SGK1: variants seen among roughly 807,000 people sequenced by gnomAD.
SGK1 encodes the protein serine/threonine-protein kinase Sgk1.
Under a neutral mutation model 64.2 loss-of-function variants are expected in SGK1, and 26 were observed. That is an observed-to-expected ratio of 0.40 (90% CI 0.30 to 0.56). SGK1 has a LOEUF of 0.56. Ranked by LOEUF, SGK1 falls within the 20% of genes least tolerant of loss-of-function variation. The probability of loss-of-function intolerance (pLI) is 0.38; values close to 1 mark genes in which losing one functional copy is unlikely to be tolerated. For synonymous variants in SGK1, 265 were observed against 239.7 expected (o/e 1.11, Z -0.98); for missense variants, 519 against 645.6 (o/e 0.80, Z 2.12).
intron 3 of SGK1, among the ~76,000 whole-genome samples, chr6:134,187,913 C>G (rs1041400591): frequency 6.6e-6 from 1 of 152,204 alleles, no homozygotes; most frequent in Non-Finnish European, 1.5e-5. Flanking sequence ...TGGCAGATCA[C>G]CCCGAGGAAA....
chr6:134,271,549 C>T (rs906306688), intron 1 of SGK1, among the ~76,000 whole-genome samples: 1 of 147,602 alleles, frequency 6.8e-6, no homozygotes, highest in Admixed American at 6.9e-5. Context: ...TCAAAATCCA[C>T]TGAGCTTTGG....
chr6:134,314,156 TG>T (rs1777644292), intron 1 of SGK1, among the ~76,000 whole-genome samples: 1 of 151,942 alleles, frequency 6.6e-6, no homozygotes, highest in Admixed American at 6.6e-5. Context: ...AATATGAGGA[TG>T]AGAAGCATAA....
In SGK1 at chr6:134,228,615, T is replaced by G. The variant is rs1267295279; in HGVS notation, c.286-21184A>C. On this transcript the variant is annotated intron_variant, in intron 2 of 13. Transcript: ENST00000367858. ...CATAACAGTATAGGAATATTGGCCA[T>G]AGTAGTCGATCAGTGGAGACTTGTT... Among the ~76,000 whole-genome samples, 3 of 152,176 alleles carry G rather than the reference T, an allele frequency of 2.0e-5. No homozygotes were observed. The East Asian group carries it at 5.8e-4, about 29-fold the overall frequency.
chr6:134,211,845 G>T (rs1173466507), intron 2 of SGK1, among the ~76,000 whole-genome samples: 1 of 134,822 alleles, frequency 7.4e-6, no homozygotes, highest in African/African-American at 2.8e-5. Flanking sequence ...CTGCACTCCA[G>T]CCTGGCGAGA....
chr6:134,264,342 A>AT (rs1562268560), intron 1 of SGK1, among the ~76,000 whole-genome samples: 2 of 151,866 alleles, frequency 1.3e-5, no homozygotes, highest in Non-Finnish European at 2.9e-5. Context: ...GATGGTCTCG[A>AT]TCTCCTGACC....
intron 2 of SGK1, among the ~76,000 whole-genome samples, chr6:134,239,182 G>T (rs1028797970): frequency 2.0e-5 from 3 of 152,188 alleles, no homozygotes; most frequent in African/African-American, 7.2e-5. Flanking sequence ...CAGCCATCTG[G>T]TGCAAAGGAA....
intron 3 of SGK1, among the ~76,000 whole-genome samples, chr6:134,199,058 A>AT: frequency 6.6e-6 from 1 of 151,976 alleles, no homozygotes; most frequent in Non-Finnish European, 1.5e-5. Flanking sequence ...GCTTGAGCTG[A>AT]TTTTTTTAAT....
At chr6:134,285,502 T>C (rs1317395371) in intron 1 of SGK1, among the ~76,000 whole-genome samples, 1 of 145,436 alleles carries the variant, frequency 6.9e-6, no homozygotes, top group Non-Finnish European at 1.5e-5. Context: ...AAAAAGGTGG[T>C]CCCTTTTCAC....
intron 3 of SGK1, chr6:134,174,951 GC>G: frequency 3.5e-6 from 5 of 1,425,600 alleles, no homozygotes; most frequent in Non-Finnish European, 4.6e-6. Context: ...CCCGCCCTTC[GC>G]CTCGCCCCTC....
chr6:134,173,949 TACTA>T (rs1582685057), intron 5 of SGK1, 52 bp downstream of exon 5: 6 of 1,196,222 alleles, frequency 5.0e-6, no homozygotes, highest in South Asian at 2.5e-5. Flanking sequence ...AATGTAGGAA[TACTA>T]ACTGACTCCC....
At chr6:134,187,712 C>A (rs1004457317) in intron 3 of SGK1, among the ~76,000 whole-genome samples, 39 of 152,204 alleles carry the variant, frequency 2.6e-4, no homozygotes, top group African/African-American at 9.4e-4. Flanking sequence ...AGAAGCAGTG[C>A]TGTGTCTGTG....
chr6:134,253,341 C>T (rs547839294), intron 2 of SGK1, among the ~76,000 whole-genome samples: 2 of 151,506 alleles, frequency 1.3e-5, no homozygotes, highest in South Asian at 2.1e-4. Flanking sequence ...CTATATTGCC[C>T]AGGCAGGTCT....
At chr6:134,225,013 AAAAAAAAAAAG>A (rs1484636194) in intron 2 of SGK1, among the ~76,000 whole-genome samples, 29 of 149,060 alleles carry the variant, frequency 1.9e-4, no homozygotes, top group Non-Finnish European at 3.9e-4. Flanking sequence ...CATCTCAAAA[AAAAAAAAAAAG>A]AAAAAAGAAA....
Position 134,317,828 on chromosome 6 carries a change from C to G in SGK1, c.-368G>C, listed in dbSNP as rs3813344. ...GCCCCCAGCTACCTGGCTGCTCTTCCGCGGCCGGCGCGGGGAGCGAGTCGC... is the reference window on the plus strand; with the variant it reads ...GCCCCCAGCTACCTGGCTGCTCTTCGGCGGCCGGCGCGGGGAGCGAGTCGC... On this transcript the variant is annotated 5_prime_UTR_variant, in exon 1 of 14. Coordinates refer to ENST00000367858, the MANE Select transcript of SGK1 (RefSeq NM_001143676.3). 0.079 allele frequency: 16,419 copies of G among 206,858 alleles called. 771 individuals carry two copies. Among genetic ancestry groups the G allele is most frequent in the Non-Finnish European group, 0.1 (10,565 of 103,588 alleles). The allele number at this position is 206,858 out of a possible 1,614,324, so 12.8% of individuals were successfully genotyped here.
chr6:134,217,846 G>A (rs1776012248), intron 2 of SGK1, among the ~76,000 whole-genome samples: 1 of 152,156 alleles, frequency 6.6e-6, no homozygotes, highest in African/African-American at 2.4e-5. Flanking sequence ...CTAGTCAGAT[G>A]TTCCTCCTTT....
At chr6:134,287,853 A>G (rs530206115) in intron 1 of SGK1, among the ~76,000 whole-genome samples, 9 of 152,154 alleles carry the variant, frequency 5.9e-5, no homozygotes, top group African/African-American at 1.9e-4. Context: ...TTGTTAAAGT[A>G]TCTTTTGGAG....
chr6:134,202,734 T>C (rs1775706002), intron 3 of SGK1, among the ~76,000 whole-genome samples: 1 of 152,026 alleles, frequency 6.6e-6, no homozygotes, highest in African/African-American at 2.4e-5. Flanking sequence ...GAAACAGATT[T>C]TCAGGAAGAA....
chr6:134,171,967 T>A, intron 10 of SGK1: 1 of 658,418 alleles, frequency 1.5e-6, no homozygotes. Flanking sequence ...TTTAGAAAGT[T>A]TTTATGATGC....
At chr6:134,265,970 T>C (rs1196219956) in intron 1 of SGK1, among the ~76,000 whole-genome samples, 4 of 150,184 alleles carry the variant, frequency 2.7e-5, no homozygotes, top group African/African-American at 7.4e-5. Flanking sequence ...GCTTTATTTA[T>C]TTATTTCTTT....
Sources: gnomAD v4.1 joint callset for allele counts (sites outside exome capture counted in the v4.1 genomes callset) on GRCh38, gnomAD v4.1.1 for gene constraint, MANE v1.5 for transcripts, NCBI Gene and HGNC (gene_info 2026-07-23, HGNC 2026-07-21) for gene names.